The following YTHDC1 variants were observed in gnomAD, a reference collection of about 807,000 sequenced individuals.
YTHDC1 encodes YTH domain-containing protein 1.
Under a neutral mutation model 107.0 loss-of-function variants are expected in YTHDC1, and 12 were observed. The observed-to-expected ratio is 0.11, with a 90% CI of 0.07 to 0.18. The LOEUF is 0.18. Among genes scored for constraint, YTHDC1 ranks in the 10% least tolerant of loss-of-function variants. The probability of loss-of-function intolerance (pLI) is 1.00; values close to 1 mark genes in which losing one functional copy is unlikely to be tolerated. For synonymous variants in YTHDC1, 280 were observed against 289.5 expected, an observed-to-expected ratio of 0.97 and a Z score of 0.33; for missense variants, 635 against 898.8, an observed-to-expected ratio of 0.71 and a Z score of 3.75.
chr4:68,313,103 ATACT>A lies in YTHDC1; in HGVS notation c.*992_*995del, dbSNP rs1721431546. The stretch of plus-strand genomic sequence containing the variant: ...ACTCAAAATGTTATCAGGTGTATAA[ATACT>A]TAACCAAATTATTAACATAACTCTG... On this transcript the variant is annotated 3_prime_UTR_variant, in exon 17 of 17. Transcript: ENST00000344157. 6.6e-6 allele frequency: 1 copy of A among 152,236 alleles called. No homozygotes were observed. The allele number at this position is 152,236 out of a possible 1,614,324, so 9.4% of individuals were successfully genotyped here.
intron 4 of YTHDC1, among the ~76,000 whole-genome samples, chr4:68,334,758 T>C (rs950063476): frequency 6.6e-6 from 1 of 152,116 alleles, no homozygotes; most frequent in Non-Finnish European, 1.5e-5. Context: ...GTGCAGTTGC[T>C]CGTGCCTGTA....
At chr4:68,343,479 G>A in intron 1 of YTHDC1, among the ~76,000 whole-genome samples, 1 of 147,268 alleles carries the variant, frequency 6.8e-6, no homozygotes. Context: ...TGGGATTATA[G>A]GCATGAGCCA....
rs1002017857 is a variant in YTHDC1 at position 68,323,603 on chromosome 4, CA to C, written c.1434+535del. On this transcript the variant is annotated intron_variant, in intron 10 of 16. Coordinates refer to ENST00000344157, the MANE Select transcript of YTHDC1 (RefSeq NM_001031732.4). ...TTAGCCACTCTCGTAACCTGGTTTC[CA>C]AAAAAATTAAAATTAAAAAATAAAA... 7.3e-5 allele frequency among the ~76,000 whole-genome samples: 11 copies of C among 151,460 alleles called. 1 individual carries two copies. Among genetic ancestry groups the C allele is most frequent in the African/African-American group, 2.7e-4 (11 of 41,190 alleles).
At chr4:68,348,015 G>GA (rs1380798069) in intron 1 of YTHDC1, among the ~76,000 whole-genome samples, 2 of 152,190 alleles carry the variant, frequency 1.3e-5, no homozygotes, top group Non-Finnish European at 2.9e-5. Context: ...AAGCAAATGT[G>GA]AGGCAAAGAA....
rs140009278 is a variant in YTHDC1, at chr4:68,337,642, G to A, written c.389C>T (p.Pro130Leu). Residue 130 changes from proline to leucine, a missense_variant, in exon 3 of 17, where the codon CCT becomes CTT. Around this residue, in one of 5 missense-constraint regions of YTHDC1, gnomAD observed 294 missense variants for 312.3 expected, o/e 0.94. Coordinates refer to ENST00000344157, the MANE Select transcript of YTHDC1 (RefSeq NM_001031732.4). ...CCTTTTCCGGACACAGGTTTTTTCA[G>A]GTTGATTCTTATAAGGTTCTCTGGA... ...SASREPYKNQ[P>L]EKTCVRKRDP... 298 of 1,613,820 alleles carry A rather than the reference G, an allele frequency of 1.8e-4. No homozygotes were observed. The highest frequency in any genetic ancestry group is 1.9e-4 in the Non-Finnish European group (220 of 1,180,008).
At position 68,350,018 on chromosome 4, in the gene YTHDC1, G is replaced by C; in HGVS notation, c.-265C>G. The C allele has an allele frequency of 1.8e-6, 1 of 564,300 alleles. No individual in the cohort carries two copies. Among genetic ancestry groups the C allele is most frequent in the South Asian group, 2.2e-5 (1 of 44,792 alleles). The allele number at this position is 564,300 out of a possible 1,614,324, so 35.0% of individuals were successfully genotyped here. ...CGGGCTAGGTATGGGGGAGGGAAGGGAAACAGATGGCGACGGCGGGCGGCG... is the reference window on the plus strand; with the variant it reads ...CGGGCTAGGTATGGGGGAGGGAAGGCAAACAGATGGCGACGGCGGGCGGCG... On this transcript the variant is annotated 5_prime_UTR_variant, in exon 1 of 17. Coordinates refer to ENST00000344157, the MANE Select transcript of YTHDC1 (RefSeq NM_001031732.4).
At chr4:68,347,134 C>A (rs1725537446) in intron 1 of YTHDC1, among the ~76,000 whole-genome samples, 1 of 152,184 alleles carries the variant, frequency 6.6e-6, no homozygotes, top group Admixed American at 6.5e-5. Flanking sequence ...CAGATGTACT[C>A]CGGGCACTCA....
chr4:68,325,909 G>A (rs1055078161), intron 9 of YTHDC1, among the ~76,000 whole-genome samples: 4 of 152,050 alleles, frequency 2.6e-5, no homozygotes, highest in African/African-American at 7.2e-5. Context: ...CACCCATCAA[G>A]AGTGAGTCAA....
At position 68,320,081 on chromosome 4, in the gene YTHDC1, A is replaced by G. The variant is rs201995259; in HGVS notation, c.1684+42T>C. ...TTTTTAATTTTTTAATTTTTTTCCA[A>G]TAATTTGAAATCAAATATCTGCAGG... On this transcript the variant is annotated intron_variant, in intron 12 of 16. Coordinates refer to ENST00000344157, the MANE Select transcript of YTHDC1 (RefSeq NM_001031732.4). 746 of 1,510,816 alleles carry G rather than the reference A, an allele frequency of 4.9e-4. 3 individuals carry two copies. The African/African-American group carries it at 9.1e-3, about 18-fold the overall frequency. 93.6% of individuals were successfully genotyped at this position (1,510,816 alleles called of 1,614,324 possible). A position where few individuals can be genotyped will look rare whatever the true frequency, so the allele number is the denominator to read the frequency against.
intron 12 of YTHDC1, among the ~76,000 whole-genome samples, chr4:68,319,819 T>C (rs374211378): frequency 1.3e-5 from 2 of 152,168 alleles, no homozygotes; most frequent in South Asian, 4.1e-4. Flanking sequence ...TATAAGGTTA[T>C]TGCTTTTCAT....
chr4:68,338,851 T>TAC (rs572039415), intron 1 of YTHDC1, among the ~76,000 whole-genome samples: 188 of 151,508 alleles, frequency 1.2e-3, no homozygotes, highest in African/African-American at 3.9e-3. Context: ...TTTCTCAAAA[T>TAC]ACACACACAC....
intron 11 of YTHDC1, 150 bp from the exon 12 acceptor site, chr4:68,320,355 AC>A (rs1453690319): frequency 1.8e-6 from 1 of 562,976 alleles, no homozygotes; most frequent in African/African-American, 2.0e-5. Context: ...TAAAATTCCT[AC>A]ATTTTGATTC....
At chr4:68,334,229 TAAGGG>T (rs1723909517) in intron 4 of YTHDC1, among the ~76,000 whole-genome samples, 1 of 152,100 alleles carries the variant, frequency 6.6e-6, no homozygotes, top group Admixed American at 6.6e-5. Flanking sequence ...AGCTTAGAGA[TAAGGG>T]AATAGGAAGA....
At chr4:68,329,026 A>G (rs1252962301) in intron 9 of YTHDC1, among the ~76,000 whole-genome samples, 1 of 152,212 alleles carries the variant, frequency 6.6e-6, no homozygotes, top group Non-Finnish European at 1.5e-5. Flanking sequence ...GTTGATGGGT[A>G]TGTCACTACA....
chr4:68,332,942 C>A, intron 5 of YTHDC1, 95 bp from the exon 6 acceptor site: 2 of 1,079,756 alleles, frequency 1.9e-6, no homozygotes, highest in Non-Finnish European at 2.8e-6. Context: ...TCATTCAAGA[C>A]AAATTATTCT....
intron 1 of YTHDC1, 51 bp from the exon 2 acceptor site, chr4:68,338,435 G>C: frequency 1.5e-6 from 2 of 1,369,332 alleles, no homozygotes; most frequent in Non-Finnish European, 2.0e-6. Context: ...CATTGAACAT[G>C]TATTTTTGAG....
chr4:68,315,361 T>A (rs1721739451), intron 16 of YTHDC1, among the ~76,000 whole-genome samples: 1 of 152,182 alleles, frequency 6.6e-6, no homozygotes, highest in Non-Finnish European at 1.5e-5. Context: ...AAAAAATGTC[T>A]CAAAGATAGG....
intron 4 of YTHDC1, among the ~76,000 whole-genome samples, chr4:68,335,987 T>C (rs1724113819): frequency 2.7e-5 from 4 of 148,548 alleles, no homozygotes; most frequent in Admixed American, 6.7e-5. Context: ...ATATATACTA[T>C]CCATATAGTA....
intron 1 of YTHDC1, among the ~76,000 whole-genome samples, chr4:68,340,194 G>T (rs1265609705): frequency 1.3e-5 from 2 of 152,078 alleles, no homozygotes; most frequent in African/African-American, 4.8e-5. Context: ...AAGTGGGAAA[G>T]AAATCTGTGA....
Sources: allele counts gnomAD v4.1 joint callset (sites outside exome capture counted in the v4.1 genomes callset), GRCh38; gene constraint gnomAD v4.1.1; regional missense constraint gnomAD v4.1.1; transcripts MANE v1.5; gene names NCBI Gene and HGNC (gene_info 2026-07-23, HGNC 2026-07-21).